EN1: variants seen among roughly 807,000 people sequenced by gnomAD.
The protein encoded by EN1 is engrailed homeobox 1.
EN1 carries 8 observed loss-of-function variants against 22.9 expected under a neutral mutation model. That is an observed-to-expected ratio of 0.35 (90% CI 0.20 to 0.63). The LOEUF is 0.63. Among genes scored for constraint, EN1 ranks in the 20% least tolerant of loss-of-function variants. The pLI is 0.73. For synonymous variants in EN1, 287 were observed against 262.5 expected (o/e 1.09, Z -0.90); for missense variants, 521 against 572.1 (o/e 0.91, Z 0.91).
Position 118,846,998 on chromosome 2 carries a change from G to C in EN1, c.170C>G (p.Pro57Arg), listed in dbSNP as rs1234320417. The C allele has an allele frequency of 5.1e-6, 7 of 1,361,746 alleles. No individual in the cohort carries two copies. Among genetic ancestry groups the C allele is most frequent in the Non-Finnish European group, 6.6e-6 (7 of 1,067,902 alleles). 84.4% of individuals were successfully genotyped at this position (1,361,746 alleles called of 1,614,324 possible). A position where few individuals can be genotyped will look rare whatever the true frequency, so the allele number is the denominator to read the frequency against. The change falls in exon 1 of 2, where the codon CCC (proline) becomes CGC (arginine). Residue 57 changes from proline to arginine, a missense_variant. This residue lies in a region of EN1 where 436 missense variants were observed against 410.1 expected (regional missense o/e 1.06). Transcript: ENST00000295206. The surrounding 1 kb of genome is among the most constrained non-coding windows in gnomAD (Gnocchi z 5.0). The stretch of plus-strand genomic sequence containing the variant: ...CAGGCAAGGCGCCGCGGGCGGCGAG[G>C]GGGGCGCAGGCTGCGGGGACACCGG... Reference protein sequence around the residue: ...SVPVSPQPAPPSPPAAPCLPP... With the variant: ...SVPVSPQPAPRSPPAAPCLPP...
chr2:118,844,523 C>T (rs1241500965), intron 1 of EN1, among the ~76,000 whole-genome samples: 1 of 152,214 alleles, frequency 6.6e-6, no homozygotes, highest in East Asian at 1.9e-4. Context: ...ACACCCAAGT[C>T]TTCTGGCATT....
rs770636668 is a variant in EN1 at position 118,843,184 on chromosome 2, C to T, written c.933G>A (p.Thr311=). ...KEDKRPRTAF[T]AEQLQRLKAE... is the part of the protein sequence containing the mutation. ...CCTTGAGTCTCTGCAGCTGCTCGGCCGTGAACGCGGTCCGCGGCCGCTTGT... is the reference window on the plus strand; with the variant it reads ...CCTTGAGTCTCTGCAGCTGCTCGGCTGTGAACGCGGTCCGCGGCCGCTTGT... Residue 311 remains threonine (T), a synonymous_variant, in exon 2 of 2, where the codon ACG becomes ACA. Transcript: ENST00000295206. 1 of 1,597,384 alleles carries T rather than the reference C, an allele frequency of 6.3e-7. No individual in the cohort carries two copies. Among genetic ancestry groups the T allele is most frequent in the South Asian group, 1.1e-5 (1 of 89,406 alleles).
chr2:118,846,346 G>A lies in EN1; in HGVS notation c.822C>T (p.Ala274=). 6.2e-7 allele frequency: 1 copy of A among 1,613,160 alleles called. No homozygotes were observed. The highest frequency in any genetic ancestry group is 8.5e-7 in the Non-Finnish European group (1 of 1,179,774). ...CCGAATAACGTGTGCAGTACACCCAGGCGGGCCATACGAGAGGCTGCTGCG... is the reference window on the plus strand; with the variant it reads ...CCGAATAACGTGTGCAGTACACCCAAGCGGGCCATACGAGAGGCTGCTGCG... ...TDSQQPLVWP[A]WVYCTRYSDR... Residue 274 remains alanine, a synonymous_variant, in exon 1 of 2, where the codon GCC becomes GCT. Transcript: ENST00000295206. This position sits in a 1 kb window ranked among gnomAD's most constrained non-coding sequence, Gnocchi z 5.0.
rs1032501691 is a variant in EN1 at position 118,846,602 on chromosome 2, C to CCGG, written c.563_565dup (p.Ala188dup). On this transcript the variant is annotated inframe_insertion, in exon 1 of 2. Transcript: ENST00000295206. The surrounding 1 kb of genome is among the most constrained non-coding windows in gnomAD (Gnocchi z 5.0). The stretch of plus-strand genomic sequence containing the variant: ...GTTCCCAGCTTTAGACGCGCCCGCG[C>CCGG]CGGCGGCGGCTGGCTGGGAGCCGTC... The CCGG allele has an allele frequency of 5.0e-6, 7 of 1,396,358 alleles. No homozygotes were observed. In the African/African-American group the frequency reaches 1.1e-4, roughly 21 times the overall value. The allele number at this position is 1,396,358 out of a possible 1,614,324, so 86.5% of individuals were successfully genotyped here.
chr2:118,846,285 A>G lies in EN1; in HGVS notation c.862+21T>C, dbSNP rs1427329950. ...TCCGCGGGGCCAGAAGGCATGGCGC[A>G]GCCCGGAGTTGGGTACTCACCGGAG... On this transcript the variant is annotated intron_variant, in intron 1 of 1. Transcript: ENST00000295206. This position sits in a 1 kb window ranked among gnomAD's most constrained non-coding sequence, Gnocchi z 5.0. The G allele has an allele frequency of 6.2e-7, 1 of 1,602,882 alleles. No individual in the cohort carries two copies. The highest frequency in any genetic ancestry group is 1.7e-5 in the Admixed American group (1 of 58,824).
Position 118,842,914 on chromosome 2 carries a change from G to C in EN1, c.*24C>G. Reference sequence around the variant, plus strand: ...CGGCGGCGGTGCCGGGAGGGGGCGCGGGCGCGGCCCCGGCCTGTGGCGGCT... The same window carrying C: ...CGGCGGCGGTGCCGGGAGGGGGCGCCGGCGCGGCCCCGGCCTGTGGCGGCT... On this transcript the variant is annotated 3_prime_UTR_variant, in exon 2 of 2. Coordinates refer to ENST00000295206, the MANE Select transcript of EN1 (RefSeq NM_001426.4). 6.3e-7 allele frequency: 1 copy of C among 1,585,142 alleles called. No homozygotes were observed. Among genetic ancestry groups the C allele is most frequent in the Non-Finnish European group, 8.6e-7 (1 of 1,161,448 alleles).
Position 118,842,539 on chromosome 2 carries a change from A to G in EN1, c.*399T>C, listed in dbSNP as rs1296331242. ...AGGGGATAAAATAATTATAATAATT[A>G]TAATAATTATAACAATAATAATAAA... On this transcript the variant is annotated 3_prime_UTR_variant, in exon 2 of 2. Transcript: ENST00000295206. 1 of 152,108 alleles carries G rather than the reference A, an allele frequency of 6.6e-6. No individual in the cohort carries two copies. Among genetic ancestry groups the G allele is most frequent in the Non-Finnish European group, 1.5e-5 (1 of 68,042 alleles). The allele number at this position is 152,108 out of a possible 1,614,324, so 9.4% of individuals were successfully genotyped here.
At position 118,847,124 on chromosome 2, in the gene EN1, G is replaced by T; in HGVS notation, c.44C>A (p.Ala15Asp). ...QPEPKSQRDS[A>D]LGAAAAATPG... ...AGTCGCCGCCGCCGCCGCGCCGAGG[G>T]CCGAGTCGCGCTGACTTTTAGGTTC... The change falls in exon 1 of 2, where the codon GCC becomes GAC. Residue 15 changes from alanine to aspartate, a missense_variant. By Grantham distance (126) the Ala-to-Asp change is moderately radical. Coordinates refer to ENST00000295206, the MANE Select transcript of EN1 (RefSeq NM_001426.4). 7.5e-7 allele frequency: 1 copy of T among 1,327,990 alleles called. No individual in the cohort carries two copies. Among genetic ancestry groups the T allele is most frequent in the Non-Finnish European group, 1.0e-6 (1 of 1,002,452 alleles). 82.3% of individuals were successfully genotyped at this position (1,327,990 alleles called of 1,614,324 possible).
intron 1 of EN1, among the ~76,000 whole-genome samples, chr2:118,845,762 C>T (rs974980850): frequency 3.3e-5 from 5 of 152,214 alleles, no homozygotes; most frequent in African/African-American, 7.2e-5. Flanking sequence ...CTTTCAGACG[C>T]TTTCCTCCCT....
chr2:118,847,049 C>G lies in EN1; in HGVS notation c.119G>C (p.Gly40Ala), dbSNP rs1211513122. Residue 40 changes from glycine (G) to alanine (A), a missense_variant, in exon 1 of 2, where the codon GGC becomes GCC. By Grantham distance (60) the Gly-to-Ala change is moderately conservative. Coordinates refer to ENST00000295206, the MANE Select transcript of EN1 (RefSeq NM_001426.4). ...CACGCTGTCTCCATCGCTGCCGCTG[C>G]CGCTGCTGCCGCTGGCGCCCGGACT... ...SLSPGASGSS[G>A]SGSDGDSVPV... The G allele has an allele frequency of 1.4e-6, 2 of 1,414,152 alleles. No individual in the cohort carries two copies. Among genetic ancestry groups the G allele is most frequent in the Non-Finnish European group, 1.8e-6 (2 of 1,086,422 alleles). The allele number at this position is 1,414,152 out of a possible 1,614,324, so 87.6% of individuals were successfully genotyped here.
In EN1 at chr2:118,842,732, T is replaced by C; in HGVS notation, c.*206A>G. 2.2e-6 allele frequency: 2 copies of C among 899,180 alleles called. No homozygotes were observed. Among genetic ancestry groups the C allele is most frequent in the Non-Finnish European group, 3.2e-6 (2 of 622,880 alleles). The allele number at this position is 899,180 out of a possible 1,614,324, so 55.7% of individuals were successfully genotyped here. A position where few individuals can be genotyped will look rare whatever the true frequency, so the allele number is the denominator to read the frequency against. ...ATAGAGAATGGATCTTATTTTTCGA[T>C]AGCACCTGTCCGAGTCTTTCTCCCT... On this transcript the variant is annotated 3_prime_UTR_variant, in exon 2 of 2. Transcript: ENST00000295206.
Position 118,846,553 on chromosome 2 carries a change from G to GGCCGCC in EN1, c.609_614dup (p.Ala207_Ala208dup), listed in dbSNP as rs769035512. On this transcript the variant is annotated inframe_insertion, in exon 1 of 2. Coordinates refer to ENST00000295206, the MANE Select transcript of EN1 (RefSeq NM_001426.4). The surrounding 1 kb of genome is among the most constrained non-coding windows in gnomAD (Gnocchi z 5.0). ...CCGCCGCCGCCGCCACTGCCGCCGCGGCCGCCGCCGCCGCCGCAGCCGGGT... is the reference window on the plus strand; with the variant it reads ...CCGCCGCCGCCGCCACTGCCGCCGCGGCCGCCGCCGCCGCCGCCGCCGCAGCCGGGT... 3 of 1,185,416 alleles carry GGCCGCC rather than the reference G, an allele frequency of 2.5e-6. No individual in the cohort carries two copies. The African/African-American group carries it at 5.1e-5, about 20-fold the overall frequency. 73.4% of individuals were successfully genotyped at this position (1,185,416 alleles called of 1,614,324 possible).
rs766052837 is a variant in EN1, at chr2:118,846,596, C to A, written c.572G>T (p.Gly191Val). The change falls in exon 1 of 2, where the codon GGC becomes GTC. Residue 191 changes from glycine (G) to valine (V), a missense_variant. By Grantham distance (109) the Gly-to-Val change is moderately radical. Transcript: ENST00000295206. The surrounding 1 kb of genome is among the most constrained non-coding windows in gnomAD (Gnocchi z 5.0). ...AGCCGGGTTCCCAGCTTTAGACGCG[C>A]CCGCGCCGGCGGCGGCTGGCTGGGA... ...DGSQPAAAGA[G>V]ASKAGNPAAA... The A allele has an allele frequency of 5.8e-5, 81 of 1,386,718 alleles. No homozygotes were observed. The highest frequency in any genetic ancestry group is 2.6e-4 in the Middle Eastern group (1 of 3,842). The allele number at this position is 1,386,718 out of a possible 1,614,324, so 85.9% of individuals were successfully genotyped here.
chr2:118,847,252 G>T lies in EN1; in HGVS notation c.-85C>A. On this transcript the variant is annotated 5_prime_UTR_variant, in exon 1 of 2. Transcript: ENST00000295206. ...CCACCCCACTTTGCCAGCGGCCCGT[G>T]GGGGTGCGCGGAGGAAGGAGGCAGG... 3 of 444,472 alleles carry T rather than the reference G, an allele frequency of 6.7e-6. No homozygotes were observed. Among genetic ancestry groups the T allele is most frequent in the Non-Finnish European group, 1.1e-5 (3 of 262,684 alleles). The allele number at this position is 444,472 out of a possible 1,614,324, so 27.5% of individuals were successfully genotyped here. A position where few individuals can be genotyped will look rare whatever the true frequency, so the allele number is the denominator to read the frequency against.
chr2:118,843,112 G>A lies in EN1; in HGVS notation c.1005C>T (p.Thr335=). The change falls in exon 2 of 2, where the codon ACC becomes ACT. Residue 335 remains threonine, a synonymous_variant. Transcript: ENST00000295206. ...CGTTGAGGCTGAGTTCCTGGGCCAG[G>A]GTCTGCCGCCGCTGCTCCGTGATGT... ...NRYITEQRRQ[T]LAQELSLNES... is the part of the protein sequence containing the mutation. 1 of 1,613,958 alleles carries A rather than the reference G, an allele frequency of 6.2e-7. No homozygotes were observed. The highest frequency in any genetic ancestry group is 8.5e-7 in the Non-Finnish European group (1 of 1,179,980).
In EN1 at chr2:118,846,982, C is replaced by A; in HGVS notation, c.186G>T (p.Ala62=). 3.7e-6 allele frequency: 5 copies of A among 1,360,878 alleles called. No individual in the cohort carries two copies. The highest frequency in any genetic ancestry group is 3.1e-5 in the East Asian group (1 of 32,232). The allele number at this position is 1,360,878 out of a possible 1,614,324, so 84.3% of individuals were successfully genotyped here. A position where few individuals can be genotyped will look rare whatever the true frequency, so the allele number is the denominator to read the frequency against. ...GGTGGGCCAGGGGCGGCAGGCAAGGCGCCGCGGGCGGCGAGGGGGGCGCAG... is the reference window on the plus strand; with the variant it reads ...GGTGGGCCAGGGGCGGCAGGCAAGGAGCCGCGGGCGGCGAGGGGGGCGCAG... ...PQPAPPSPPA[A]PCLPPLAHHP... The change falls in exon 1 of 2, where the codon GCG becomes GCT. Residue 62 remains alanine (A), a synonymous_variant. Transcript: ENST00000295206. The surrounding 1 kb of genome is among the most constrained non-coding windows in gnomAD (Gnocchi z 5.0).
At position 118,843,016 on chromosome 2, in the gene EN1, G is replaced by A. The variant is rs1678215640; in HGVS notation, c.1101C>T (p.Gly367=). 1 of 1,614,156 alleles carries A rather than the reference G, an allele frequency of 6.2e-7. No individual in the cohort carries two copies. ...KIKKATGIKN[G]LALHLMAQGL... Reference sequence around the variant, plus strand: ...CCTGGGCCATGAGGTGCAGCGCCAGGCCGTTCTTGATGCCTGTGGCTTTCT... The same window carrying A: ...CCTGGGCCATGAGGTGCAGCGCCAGACCGTTCTTGATGCCTGTGGCTTTCT... Residue 367 remains glycine, a synonymous_variant, in exon 2 of 2, where the codon GGC becomes GGT. Coordinates refer to ENST00000295206, the MANE Select transcript of EN1 (RefSeq NM_001426.4).
At position 118,842,575 on chromosome 2, in the gene EN1, A is replaced by G. The variant is rs1242570702; in HGVS notation, c.*363T>C. The G allele has an allele frequency of 1.3e-5, 2 of 157,430 alleles. No individual in the cohort carries two copies. The highest frequency in any genetic ancestry group is 3.7e-4 in the East Asian group (2 of 5,430). 9.8% of individuals were successfully genotyped at this position (157,430 alleles called of 1,614,324 possible). ...AACAATAATAATAAAGGAGATTAAT[A>G]AAAATGTCCAGCAAATAGAGATCGC... is the stretch of plus-strand genomic sequence containing the variant. On this transcript the variant is annotated 3_prime_UTR_variant, in exon 2 of 2. Coordinates refer to ENST00000295206, the MANE Select transcript of EN1 (RefSeq NM_001426.4).
In EN1 at chr2:118,846,342, C is replaced by T. The variant is rs1227539313; in HGVS notation, c.826G>A (p.Val276Met). ...CGATCCGAATAACGTGTGCAGTACA[C>T]CCAGGCGGGCCATACGAGAGGCTGC... ...SQQPLVWPAW[V>M]YCTRYSDRPS... The change falls in exon 1 of 2, where the codon GTG (valine) becomes ATG (methionine). Residue 276 changes from valine (V) to methionine (M), a missense_variant. Transcript: ENST00000295206. This position sits in a 1 kb window ranked among gnomAD's most constrained non-coding sequence, Gnocchi z 5.0. 1 of 1,612,926 alleles carries T rather than the reference C, an allele frequency of 6.2e-7. No homozygotes were observed. Among genetic ancestry groups the T allele is most frequent in the Non-Finnish European group, 8.5e-7 (1 of 1,179,740 alleles).
Sources: allele counts gnomAD v4.1 joint callset (sites outside exome capture counted in the v4.1 genomes callset), GRCh38; gene constraint gnomAD v4.1.1; regional missense constraint gnomAD v4.1.1; non-coding constraint Gnocchi (gnomAD v3.1); transcripts MANE v1.5; gene names NCBI Gene and HGNC (gene_info 2026-07-23, HGNC 2026-07-21).